The following MS4A4A variants were observed in gnomAD, a reference collection of about 807,000 sequenced individuals.
The protein encoded by MS4A4A is membrane-spanning 4-domains subfamily A member 4A.
A neutral mutation model predicts 28.0 loss-of-function variants in MS4A4A; 26 were observed. That is an observed-to-expected ratio of 0.93 (90% CI 0.68 to 1.29). The LOEUF (loss-of-function observed/expected upper bound fraction) is 1.29, where lower values mean the gene tolerates loss of function less well. MS4A4A is among the 50% of genes most tolerant of loss of function. The pLI, the probability that MS4A4A is intolerant of heterozygous loss-of-function variation, is 0.00. For missense variants in MS4A4A, 290 were observed against 293.1 expected (o/e 0.99, Z 0.08); for synonymous variants, 86 against 100.8 (o/e 0.85, Z 0.88).
intron 3 of MS4A4A, among the ~76,000 whole-genome samples, chr11:60,299,517 G>T (rs2084933683): frequency 6.9e-6 from 1 of 144,606 alleles, no homozygotes; most frequent in South Asian, 2.1e-4. Context: ...TTATTACCCA[G>T]GCTGGAGTGC....
intron 5 of MS4A4A, among the ~76,000 whole-genome samples, chr11:60,303,218 A>G (rs902988825): frequency 9.2e-5 from 14 of 152,206 alleles, no homozygotes; most frequent in Non-Finnish European, 2.9e-5. Flanking sequence ...AGTCTTCATT[A>G]TGACTTTTAC....
intron 3 of MS4A4A, among the ~76,000 whole-genome samples, chr11:60,300,569 T>C (rs1252566666): frequency 2.1e-5 from 3 of 141,230 alleles, no homozygotes; most frequent in African/African-American, 8.3e-5. Context: ...TGAGCCGAGA[T>C]TGCCCCACTG....
At chr11:60,294,025 A>G (rs1238341768) in intron 2 of MS4A4A, among the ~76,000 whole-genome samples, 1 of 152,230 alleles carries the variant, frequency 6.6e-6, no homozygotes, top group African/African-American at 2.4e-5. Flanking sequence ...GTTTTGTAAG[A>G]AACTGCCATA....
At position 60,291,575 on chromosome 11, in the gene MS4A4A, G is replaced by A. The variant is rs1041770537; in HGVS notation, c.42-650G>A. 5.3e-5 allele frequency among the ~76,000 whole-genome samples: 8 copies of A among 151,894 alleles called. No homozygotes were observed. The East Asian group carries it at 5.8e-4, about 11-fold the overall frequency. ...AGCACTTTGGGAGGCCGAGGCGGGC[G>A]GATCACAAGGTCAGGAGATGGAGAC... On this transcript the variant is annotated intron_variant, in intron 1 of 6. Transcript: ENST00000337908.
chr11:60,306,373 G>A (rs2085001761), intron 6 of MS4A4A, among the ~76,000 whole-genome samples, 172 bp downstream of exon 6: 3 of 152,220 alleles, frequency 2.0e-5, no homozygotes, highest in Non-Finnish European at 2.9e-5. Flanking sequence ...TTACAAGGCT[G>A]TCATCAGGGA....
At chr11:60,291,025 C>G (rs967562451) in intron 1 of MS4A4A, among the ~76,000 whole-genome samples, 4 of 152,068 alleles carry the variant, frequency 2.6e-5, no homozygotes, top group Admixed American at 6.6e-5. Flanking sequence ...AGGATATTAG[C>G]AAGCTTCATT....
At chr11:60,299,611 T>G (rs1355978942) in intron 3 of MS4A4A, among the ~76,000 whole-genome samples, 1 of 152,074 alleles carries the variant, frequency 6.6e-6, no homozygotes, top group African/African-American at 2.4e-5. Flanking sequence ...TAGCTGGAAC[T>G]ACAGGCACCC....
chr11:60,299,993 T>C (rs1361026744), intron 3 of MS4A4A, among the ~76,000 whole-genome samples: 2 of 152,236 alleles, frequency 1.3e-5, no homozygotes, highest in African/African-American at 4.8e-5. Context: ...GGTGATTCCC[T>C]CTAGTGGTTT....
intron 1 of MS4A4A, among the ~76,000 whole-genome samples, chr11:60,285,645 C>T (rs567949698): frequency 1.1e-4 from 16 of 152,190 alleles, no homozygotes; most frequent in Non-Finnish European, 1.5e-4. Flanking sequence ...CAGCAGGCAC[C>T]GTGATGCCCC....
chr11:60,299,907 AT>A (rs2084937445), intron 3 of MS4A4A, among the ~76,000 whole-genome samples: 1 of 152,232 alleles, frequency 6.6e-6, no homozygotes, highest in Non-Finnish European at 1.5e-5. Context: ...AAATTAGAAT[AT>A]TTCAATATTA....
chr11:60,306,675 G>A (rs1320975914), intron 6 of MS4A4A, among the ~76,000 whole-genome samples: 1 of 152,096 alleles, frequency 6.6e-6, no homozygotes, highest in Non-Finnish European at 1.5e-5. Context: ...GAATCACAAG[G>A]GTTCAGTGAG....
intron 3 of MS4A4A, among the ~76,000 whole-genome samples, chr11:60,298,147 CA>C (rs2084922277): frequency 6.6e-6 from 1 of 151,698 alleles, no homozygotes; most frequent in African/African-American, 2.4e-5. Context: ...AGTTTTAATG[CA>C]AATTGAGAGT....
At position 60,280,733 on chromosome 11, in the gene MS4A4A, G is replaced by T. The variant is rs780359903; in HGVS notation, c.41+17G>T. 1 of 1,613,128 alleles carries T rather than the reference G, an allele frequency of 6.2e-7. No homozygotes were observed. Among genetic ancestry groups the T allele is most frequent in the Non-Finnish European group, 8.5e-7 (1 of 1,179,388 alleles). On this transcript the variant is annotated intron_variant, in intron 1 of 6. Coordinates refer to ENST00000337908, the MANE Select transcript of MS4A4A (RefSeq NM_148975.3). ...TGAAGAAAGGTAGGTCCAGGGACTT[G>T]CCTTCCTAGGCTTTCGGGCTGATGG...
At chr11:60,291,170 T>TA (rs1270944365) in intron 1 of MS4A4A, among the ~76,000 whole-genome samples, 1 of 152,200 alleles carries the variant, frequency 6.6e-6, no homozygotes, top group African/African-American at 2.4e-5. Context: ...CAGAAAGAGA[T>TA]ATAAGAGTAA....
chr11:60,308,102 CA>C lies in MS4A4A; in HGVS notation c.649-4del, dbSNP rs1397557329. ...CTCACCTTTGGCATTCTGATTGTTT[CA>C]CAGGTTGTGTTAATTCTGCCATCAC... On this transcript the variant is annotated splice_polypyrimidine_tract_variant and splice_region_variant and intron_variant, in intron 6 of 6. Coordinates refer to ENST00000337908, the MANE Select transcript of MS4A4A (RefSeq NM_148975.3). The C allele has an allele frequency of 6.2e-7, 1 of 1,613,796 alleles. No homozygotes were observed. Among genetic ancestry groups the C allele is most frequent in the South Asian group, 1.1e-5 (1 of 91,048 alleles).
rs190173877 is a variant in MS4A4A at position 60,297,050 on chromosome 11, T to G, written c.202-147T>G. On this transcript the variant is annotated intron_variant, in intron 2 of 6. Transcript: ENST00000337908. ...AAGATTACATTCACGGTTATTTATG[T>G]GAAAAAAGAGTGATAAGAGAATACT... 4 of 918,250 alleles carry G rather than the reference T, an allele frequency of 4.4e-6. No homozygotes were observed. In the African/African-American group the frequency reaches 6.7e-5, roughly 15 times the overall value. 56.9% of individuals were successfully genotyped at this position (918,250 alleles called of 1,614,324 possible). A position where few individuals can be genotyped will look rare whatever the true frequency, so the allele number is the denominator to read the frequency against.
chr11:60,302,680 A>G lies in MS4A4A; in HGVS notation c.509A>G (p.Asn170Ser), dbSNP rs1312004250. 1.9e-6 allele frequency: 3 copies of G among 1,613,916 alleles called. No homozygotes were observed. The highest frequency in any genetic ancestry group is 2.5e-6 in the Non-Finnish European group (3 of 1,179,826). Reference sequence around the variant, plus strand: ...CACCCTTACTGTAACTACTATGGCAACTCAAATAATTGTCATGGGACTATG... The same window carrying G: ...CACCCTTACTGTAACTACTATGGCAGCTCAAATAATTGTCATGGGACTATG... ...FHHPYCNYYGNSNNCHGTMSI... is the reference protein window; with the variant it reads ...FHHPYCNYYGSSNNCHGTMSI... Residue 170 changes from asparagine (N) to serine (S), a missense_variant, in exon 5 of 7, where the codon AAC becomes AGC. Coordinates refer to ENST00000337908, the MANE Select transcript of MS4A4A (RefSeq NM_148975.3).
intron 2 of MS4A4A, among the ~76,000 whole-genome samples, chr11:60,292,962 T>C (rs2084870939): frequency 6.6e-6 from 1 of 152,250 alleles, no homozygotes; most frequent in East Asian, 1.9e-4. Context: ...GGATCCTTTT[T>C]TCACATTATT....
intron 1 of MS4A4A, among the ~76,000 whole-genome samples, chr11:60,289,597 G>A (rs767234027): frequency 5.4e-3 from 285 of 52,612 alleles, no homozygotes; most frequent in South Asian, 0.021. Flanking sequence ...GTGTGTGTAT[G>A]TGTGTGTGTG....
Sources: allele counts gnomAD v4.1 joint callset (sites outside exome capture counted in the v4.1 genomes callset), GRCh38; gene constraint gnomAD v4.1.1; transcripts MANE v1.5; gene names NCBI Gene and HGNC (gene_info 2026-07-23, HGNC 2026-07-21).